RARS2: variants seen among roughly 807,000 people sequenced by gnomAD.
RARS2 encodes the protein probable arginine--tRNA ligase, mitochondrial.
In RARS2, 67 loss-of-function variants were observed where a neutral mutation model predicts 88.5. That is an observed-to-expected ratio of 0.76 (90% CI 0.62 to 0.93). The LOEUF is 0.93. Among genes scored for constraint, RARS2 ranks in the 40% least tolerant of loss-of-function variants. The probability of loss-of-function intolerance (pLI) is 0.00; values close to 1 mark genes in which losing one functional copy is unlikely to be tolerated. For missense variants in RARS2, 664 were observed against 684.2 expected (o/e 0.97, Z 0.33); for synonymous variants, 239 against 230.3 (o/e 1.04, Z -0.34).
chr6:87,530,700 G>T, intron 9 of RARS2, 84 bp downstream of exon 9: 1 of 1,533,420 alleles, frequency 6.5e-7, no homozygotes, highest in Non-Finnish European at 9.0e-7. Flanking sequence ...TAAAACACAA[G>T]CTTAACACGC....
chr6:87,547,689 G>A (rs1303710557), intron 6 of RARS2, among the ~76,000 whole-genome samples: 2 of 151,548 alleles, frequency 1.3e-5, no homozygotes, highest in South Asian at 2.1e-4. Flanking sequence ...TGTCACCCAG[G>A]CTGTAGTGCA....
chr6:87,589,176 C>T (rs1304822290), intron 1 of RARS2, among the ~76,000 whole-genome samples: 2 of 152,160 alleles, frequency 1.3e-5, no homozygotes, highest in Non-Finnish European at 2.9e-5. Flanking sequence ...GCAAGGGTGG[C>T]CAATGAGTCT....
At position 87,575,225 on chromosome 6, in the gene RARS2, G is replaced by GCACACACACACACACACA. The variant is rs58168335; in HGVS notation, c.37-5653_37-5636dup. On this transcript the variant is annotated intron_variant, in intron 1 of 19. Transcript: ENST00000369536. ...AGAGATGAACCCTAAAAAATAGAAA[G>GCACACACACACACACACA]CACACACACACACACACACACACAC... is the stretch of plus-strand genomic sequence containing the variant. 1.2e-3 allele frequency among the ~76,000 whole-genome samples: 139 copies of GCACACACACACACACACA among 114,642 alleles called. 4 individuals are homozygous for GCACACACACACACACACA. The highest frequency in any genetic ancestry group is 1.6e-3 in the Non-Finnish European group (87 of 55,540). 75.2% of individuals were successfully genotyped at this position (114,642 alleles called of 152,430 possible). A position where few individuals can be genotyped will look rare whatever the true frequency, so the allele number is the denominator to read the frequency against.
Position 87,515,031 on chromosome 6 carries a change from AAG to A in RARS2, c.1587-13_1587-12del. The A allele has an allele frequency of 6.2e-7, 1 of 1,606,204 alleles. No individual in the cohort carries two copies. Among genetic ancestry groups the A allele is most frequent in the Non-Finnish European group, 8.5e-7 (1 of 1,172,786 alleles). ...ACAGCTGCAAGATGACTGAAACAGG[AAG>A]AGAGAAATCACGATAGTACCAGCAG... On this transcript the variant is annotated splice_polypyrimidine_tract_variant and intron_variant, in intron 18 of 19. Transcript: ENST00000369536.
Position 87,530,856 on chromosome 6 carries a change from GC to G in RARS2, c.698del (p.Gly233AlafsTer15). ...AQEFFQRLEL[G>X]DVQALSLWQK... The stretch of plus-strand genomic sequence containing the variant: ...GCCACAGTGAAAGTGCTTGCACATC[GC>G]CCAGTTCCAATCGTTGGAAGAACTC... On this transcript the variant is annotated frameshift_variant, in exon 9 of 20. Coordinates refer to ENST00000369536, the MANE Select transcript of RARS2 (RefSeq NM_020320.5). LOFTEE classifies it high-confidence loss of function. 1 of 1,614,120 alleles carries G rather than the reference GC, an allele frequency of 6.2e-7. No individual in the cohort carries two copies. The highest frequency in any genetic ancestry group is 8.5e-7 in the Non-Finnish European group (1 of 1,180,012).
chr6:87,581,883 G>C (rs544231491), intron 1 of RARS2, among the ~76,000 whole-genome samples: 13 of 152,140 alleles, frequency 8.5e-5, no homozygotes, highest in Admixed American at 5.2e-4. Flanking sequence ...TTAGTTTGCT[G>C]AGAATAATGG....
intron 4 of RARS2, among the ~76,000 whole-genome samples, chr6:87,558,853 A>T (rs1786890762): frequency 6.6e-6 from 1 of 152,240 alleles, no homozygotes; most frequent in African/African-American, 2.4e-5. Context: ...TACTTATTAA[A>T]AACAATTAAC....
At chr6:87,573,368 A>C (rs539762897) in intron 1 of RARS2, among the ~76,000 whole-genome samples, 2 of 152,252 alleles carry the variant, frequency 1.3e-5, no homozygotes, top group South Asian at 2.1e-4. Context: ...TGATCCAATC[A>C]CCTCTCACCA....
chr6:87,579,812 C>T (rs913711544), intron 1 of RARS2, among the ~76,000 whole-genome samples: 2 of 149,208 alleles, frequency 1.3e-5, no homozygotes, highest in African/African-American at 2.5e-5. Flanking sequence ...CTGCAAACTC[C>T]GCCTCCCGGG....
chr6:87,577,134 A>G (rs141532245), intron 1 of RARS2, among the ~76,000 whole-genome samples: 262 of 152,328 alleles, frequency 1.7e-3, no homozygotes, highest in African/African-American at 6.1e-3. Context: ...AAAATGTGAG[A>G]TAAGAACTAA....
intron 4 of RARS2, among the ~76,000 whole-genome samples, chr6:87,559,222 A>C (rs1056356907): frequency 4.6e-5 from 7 of 152,166 alleles, no homozygotes; most frequent in African/African-American, 1.7e-4. Context: ...AAAAAGTTTA[A>C]AAAATGAAAA....
intron 7 of RARS2, among the ~76,000 whole-genome samples, chr6:87,543,940 C>T (rs1486488306): frequency 6.6e-6 from 1 of 152,152 alleles, no homozygotes; most frequent in Non-Finnish European, 1.5e-5. Flanking sequence ...TTCCATTTAA[C>T]ATTCAGCCTA....
At chr6:87,519,496 G>T (rs1773124673) in intron 14 of RARS2, 87 bp downstream of exon 14, 1 of 1,416,950 alleles carries the variant, frequency 7.1e-7, no homozygotes, top group Non-Finnish European at 9.9e-7. Flanking sequence ...TGGAGGGACA[G>T]ACATAATAAA....
At chr6:87,515,080 G>C in intron 18 of RARS2, 60 bp from the exon 19 acceptor site, 1 of 1,244,918 alleles carries the variant, frequency 8.0e-7, no homozygotes, top group Non-Finnish European at 1.2e-6. Context: ...TGTAAGATAT[G>C]AGCTTGATAT....
intron 5 of RARS2, among the ~76,000 whole-genome samples, chr6:87,550,909 C>T (rs77740486): frequency 0.025 from 3,756 of 151,490 alleles, 75 homozygotes; most frequent in Middle Eastern, 0.041. Flanking sequence ...CACTGATATT[C>T]GGATTAATAG....
intron 1 of RARS2, among the ~76,000 whole-genome samples, chr6:87,570,121 C>T (rs1199915685): frequency 6.6e-6 from 1 of 152,084 alleles, no homozygotes; most frequent in Non-Finnish European, 1.5e-5. Context: ...AATGTGATCC[C>T]CGTCCCTATC....
chr6:87,569,488 T>A (rs752235496), intron 2 of RARS2, 29 bp downstream of exon 2: 1 of 1,525,128 alleles, frequency 6.6e-7, no homozygotes. Flanking sequence ...CAACATTTTA[T>A]AGATTGTTAC....
chr6:87,523,125 A>AT (rs971485400), intron 11 of RARS2, among the ~76,000 whole-genome samples: 5 of 152,108 alleles, frequency 3.3e-5, no homozygotes, highest in African/African-American at 9.7e-5. Context: ...CACCTGTTAT[A>AT]TTTTTTTGGT....
At chr6:87,551,626 C>CA (rs71018036) in intron 5 of RARS2, among the ~76,000 whole-genome samples, 3,712 of 65,020 alleles carry the variant, frequency 0.057, 237 homozygotes, top group Middle Eastern at 0.088. Flanking sequence ...TCCGTCTCAA[C>CA]AAAAAAAAAA....
Sources: gnomAD v4.1 joint callset for allele counts (sites outside exome capture counted in the v4.1 genomes callset) on GRCh38, gnomAD v4.1.1 for gene constraint, MANE v1.5 for transcripts, NCBI Gene and HGNC (gene_info 2026-07-23, HGNC 2026-07-21) for gene names.